HMGB1: variants seen among roughly 807,000 people sequenced by gnomAD.
HMGB1 encodes the protein high mobility group protein B1.
For missense variants in HMGB1, 79 were observed against 253.5 expected, an observed-to-expected ratio of 0.31 and a Z score of 4.67; for synonymous variants, 81 against 84.0, an observed-to-expected ratio of 0.96 and a Z score of 0.19.
At chr13:30,600,461 A>G (rs895574249) in intron 1 of HMGB1, among the ~76,000 whole-genome samples, 1 of 152,258 alleles carries the variant, frequency 6.6e-6, no homozygotes, top group Non-Finnish European at 1.5e-5. Flanking sequence ...ACCCGAGAAC[A>G]GTAAGAAGAA....
intron 1 of HMGB1, among the ~76,000 whole-genome samples, chr13:30,546,495 T>A (rs972076584): frequency 2.6e-5 from 4 of 152,148 alleles, no homozygotes; most frequent in Non-Finnish European, 5.9e-5. Context: ...ATTTTCCTCT[T>A]TTTTTAGAGA....
chr13:30,616,586 A>G (rs896059237), intron 1 of HMGB1: 3 of 152,238 alleles, frequency 2.0e-5, no homozygotes, highest in African/African-American at 7.2e-5. Flanking sequence ...AATTCATAAA[A>G]AAGAAAAACC....
At chr13:30,482,029 C>T (rs1342741002) in intron 1 of HMGB1, among the ~76,000 whole-genome samples, 1 of 152,062 alleles carries the variant, frequency 6.6e-6, no homozygotes, top group African/African-American at 2.4e-5. Flanking sequence ...GGGGTTTCAC[C>T]ATATTGGCCA....
chr13:30,593,122 T>A (rs1304431231), intron 1 of HMGB1, among the ~76,000 whole-genome samples: 1 of 151,530 alleles, frequency 6.6e-6, no homozygotes, highest in East Asian at 1.9e-4. Flanking sequence ...CCAGCCAGAG[T>A]TTTTTCTTTG....
chr13:30,502,618 A>T (rs1887757904), intron 1 of HMGB1, among the ~76,000 whole-genome samples: 3 of 151,230 alleles, frequency 2.0e-5, no homozygotes, highest in Non-Finnish European at 4.4e-5. Flanking sequence ...ATTATTATCT[A>T]GGTATGCAGA....
intron 4 of HMGB1, chr13:30,461,796 T>A: frequency 1.5e-6 from 1 of 670,728 alleles, no homozygotes; most frequent in Non-Finnish European, 2.5e-6. Flanking sequence ...TGCAATTATG[T>A]ACCACATCCT....
chr13:30,503,319 G>C (rs1413303086), intron 1 of HMGB1, among the ~76,000 whole-genome samples: 1 of 151,896 alleles, frequency 6.6e-6, no homozygotes, highest in Admixed American at 6.6e-5. Context: ...ACTCCAGCCT[G>C]GGTGACAGAG....
chr13:30,508,638 G>C (rs1887924152), intron 1 of HMGB1, among the ~76,000 whole-genome samples: 2 of 152,086 alleles, frequency 1.3e-5, no homozygotes, highest in South Asian at 4.2e-4. Context: ...CCACCAATTT[G>C]CTTTGAATAT....
At position 30,497,991 on chromosome 13, in the gene HMGB1, G is replaced by A. The variant is rs568560011; in HGVS notation, c.-14-34297C>T. Among the ~76,000 whole-genome samples the A allele has an allele frequency of 3.9e-5, 6 of 152,302 alleles. No individual in the cohort carries two copies. The South Asian group carries it at 1.2e-3, about 32-fold the overall frequency. On this transcript the variant is annotated intron_variant, in intron 1 of 4. Coordinates refer to the HMGB1 transcript ENST00000405805. ...ATATACCCAGTAATGGAATTGCTGG[G>A]TGGAATGGTAGTTCTGTTTTAAGTT...
rs1555238779 is a variant in HMGB1 at position 30,538,523 on chromosome 13, C to CTTTCCTTTCTTTCCTTT, written c.-14-74830_-14-74829insAAAGGAAAGAAAGGAAA. 2.0e-4 allele frequency among the ~76,000 whole-genome samples: 17 copies of CTTTCCTTTCTTTCCTTT among 85,256 alleles called. 1 individual carries two copies. In the East Asian group the frequency reaches 4.1e-3, roughly 21 times the overall value. 55.9% of individuals were successfully genotyped at this position (85,256 alleles called of 152,430 possible). A position where few individuals can be genotyped will look rare whatever the true frequency, so the allele number is the denominator to read the frequency against. On this transcript the variant is annotated intron_variant, in intron 1 of 4. Transcript: ENST00000405805. Reference sequence around the variant, plus strand: ...CTTTCTTTCTTTCCTTTCTTTCTTTCCTTTCTTTCTTTCCTTTCTTTCTTT... The same window carrying CTTTCCTTTCTTTCCTTT: ...CTTTCTTTCTTTCCTTTCTTTCTTTCTTTCCTTTCTTTCCTTTCTTTCTTTCTTTCCTTTCTTTCTTT...
chr13:30,563,054 A>G (rs1195940808), intron 1 of HMGB1, among the ~76,000 whole-genome samples: 3 of 152,250 alleles, frequency 2.0e-5, no homozygotes, highest in Admixed American at 2.0e-4. Flanking sequence ...CAGGGCTTTA[A>G]GCCTCAAGTA....
chr13:30,616,580 C>T (rs1950566129), intron 1 of HMGB1: 1 of 152,022 alleles, frequency 6.6e-6, no homozygotes, highest in South Asian at 2.1e-4. Flanking sequence ...AATCACAATT[C>T]ATAAAAAAGA....
chr13:30,540,028 A>G (rs1868790629), intron 1 of HMGB1: 1 of 156,442 alleles, frequency 6.4e-6, no homozygotes, highest in African/African-American at 2.4e-5. Context: ...GTGATGGTCA[A>G]TCTCTCCTAA....
At position 30,558,902 on chromosome 13, in the gene HMGB1, C is replaced by T. The variant is rs115188095; in HGVS notation, c.-15+57769G>A. ...CAAGCCTCCAAGGGATTCTGATGCA[C>T]GGTAAAATTTGAGGACCACCAATGC... On this transcript the variant is annotated intron_variant, in intron 1 of 4. Transcript: ENST00000405805. Among the ~76,000 whole-genome samples, 1,152 of 152,192 alleles carry T rather than the reference C, an allele frequency of 7.6e-3. 12 individuals carry two copies. Among genetic ancestry groups the T allele is most frequent in the African/African-American group, 0.026 (1,079 of 41,514 alleles).
intron 1 of HMGB1, among the ~76,000 whole-genome samples, chr13:30,516,735 T>A (rs373619806): frequency 2.6e-5 from 4 of 152,046 alleles, no homozygotes; most frequent in Admixed American, 6.6e-5. Flanking sequence ...CTGAGCACCA[T>A]AGTGAGACCC....
chr13:30,588,195 C>A (rs567370872), intron 1 of HMGB1, among the ~76,000 whole-genome samples: 3 of 152,122 alleles, frequency 2.0e-5, no homozygotes, highest in East Asian at 3.9e-4. Context: ...AACAAGAAAC[C>A]ATAATGTTAA....
At chr13:30,524,510 T>C (rs1407850925) in intron 1 of HMGB1, among the ~76,000 whole-genome samples, 1 of 151,464 alleles carries the variant, frequency 6.6e-6, no homozygotes, top group Admixed American at 6.6e-5. Flanking sequence ...GGAGAGGGAA[T>C]GAATGCAGGA....
In HMGB1 at chr13:30,460,573, A is replaced by C. The variant is rs1294290520; in HGVS notation, c.*784T>G. 1 of 152,560 alleles carries C rather than the reference A, an allele frequency of 6.6e-6. No individual in the cohort carries two copies. The highest frequency in any genetic ancestry group is 1.5e-5 in the Non-Finnish European group (1 of 67,992). 9.5% of individuals were successfully genotyped at this position (152,560 alleles called of 1,614,324 possible). A position where few individuals can be genotyped will look rare whatever the true frequency, so the allele number is the denominator to read the frequency against. On this transcript the variant is annotated 3_prime_UTR_variant, in exon 5 of 5. Transcript: ENST00000341423. ...AACATACTTTTCTATTAGTCCTTCA[A>C]GGACAGACTTTCAAAATGTTTGATT...
Position 30,545,296 on chromosome 13 carries a change from A to G in HMGB1, c.-15+71375T>C, listed in dbSNP as rs79641689. On this transcript the variant is annotated intron_variant, in intron 1 of 4. Transcript: ENST00000405805. The stretch of plus-strand genomic sequence containing the variant: ...AAACAAAACGACAATAACAAATGCT[A>G]ACTCTGTGTGAGGGTGTTGTCACTG... 7.7e-3 allele frequency among the ~76,000 whole-genome samples: 1,167 copies of G among 152,080 alleles called. 20 individuals carry two copies. The highest frequency in any genetic ancestry group is 0.027 in the African/African-American group (1,134 of 41,498).
Sources: gnomAD v4.1 joint callset for allele counts (sites outside exome capture counted in the v4.1 genomes callset) on GRCh38, gnomAD v4.1.1 for gene constraint, MANE v1.5 for transcripts, NCBI Gene and HGNC (gene_info 2026-07-23, HGNC 2026-07-21) for gene names.